Variants in KCND2 observed in about 807,000 individuals in gnomAD.
The protein encoded by KCND2 is A-type voltage-gated potassium channel KCND2.
In KCND2, 16 loss-of-function variants were observed where a neutral mutation model predicts 54.4. The ratio of observed to expected loss-of-function variants is 0.29; its 90% CI spans 0.20 to 0.45. KCND2 has a LOEUF of 0.45. Among genes scored for constraint, KCND2 ranks in the 20% least tolerant of loss-of-function variants. KCND2 has a pLI of 1.00. For synonymous variants in KCND2, 317 were observed against 310.7 expected (o/e 1.02, Z -0.21); for missense variants, 486 against 824.2 (o/e 0.59, Z 5.02).
At chr7:120,354,507 C>T (rs1800467665) in intron 1 of KCND2, among the ~76,000 whole-genome samples, 1 of 152,188 alleles carries the variant, frequency 6.6e-6, no homozygotes, top group African/African-American at 2.4e-5. Flanking sequence ...GTTTCAGAAT[C>T]CATGTTGTAA....
At chr7:120,495,383 A>G (rs143885046) in intron 1 of KCND2, among the ~76,000 whole-genome samples, 58 of 151,944 alleles carry the variant, frequency 3.8e-4, no homozygotes, top group African/African-American at 1.3e-3. Context: ...TAGCTCTTTG[A>G]TGAGACTTAC....
chr7:120,518,010 T>G (rs1164659656), intron 1 of KCND2, among the ~76,000 whole-genome samples: 1 of 152,144 alleles, frequency 6.6e-6, no homozygotes, highest in Non-Finnish European at 1.5e-5. Context: ...GATAATGTGT[T>G]CTTTGCGATC....
intron 1 of KCND2, among the ~76,000 whole-genome samples, chr7:120,338,067 G>A (rs577832857): frequency 1.3e-5 from 2 of 152,180 alleles, no homozygotes; most frequent in African/African-American, 4.8e-5. Context: ...AGAAATTTGA[G>A]GAGTTAATGG....
At chr7:120,734,448 G>A (rs966219078) in intron 2 of KCND2, among the ~76,000 whole-genome samples, 1 of 152,030 alleles carries the variant, frequency 6.6e-6, no homozygotes, top group African/African-American at 2.4e-5. Context: ...CCCAAATTAA[G>A]CAATTGTAAA....
intron 1 of KCND2, among the ~76,000 whole-genome samples, chr7:120,601,600 A>G (rs1792814194): frequency 6.8e-6 from 1 of 147,172 alleles, no homozygotes; most frequent in African/African-American, 2.4e-5. Flanking sequence ...AGCCTTCTCT[A>G]CAGGAAGTGC....
At chr7:120,297,168 T>C (rs1486400778) in intron 1 of KCND2, among the ~76,000 whole-genome samples, 6 of 151,928 alleles carry the variant, frequency 3.9e-5, no homozygotes, top group East Asian at 1.9e-4. Flanking sequence ...ATTATTCACT[T>C]CCCCCCCAGC....
chr7:120,459,042 C>G (rs1348058764), intron 1 of KCND2, among the ~76,000 whole-genome samples: 8 of 151,850 alleles, frequency 5.3e-5, no homozygotes, highest in Admixed American at 3.9e-4. Flanking sequence ...TAAGAGTTTA[C>G]TCAAAATGAA....
intron 1 of KCND2, among the ~76,000 whole-genome samples, chr7:120,289,114 A>G (rs184067385): frequency 4.7e-4 from 72 of 151,924 alleles, no homozygotes; most frequent in African/African-American, 1.7e-3. Flanking sequence ...AGAAAAGTAA[A>G]GAGAAAGAAA....
intron 1 of KCND2, among the ~76,000 whole-genome samples, chr7:120,560,193 A>G (rs1792216247): frequency 6.6e-6 from 1 of 152,208 alleles, no homozygotes; most frequent in Non-Finnish European, 1.5e-5. Flanking sequence ...AACACTGCTT[A>G]GTTTCCACAG....
chr7:120,416,086 A>T (rs755072550), intron 1 of KCND2, among the ~76,000 whole-genome samples: 1 of 152,168 alleles, frequency 6.6e-6, no homozygotes, highest in Admixed American at 6.5e-5. Flanking sequence ...TCTCTTGCCA[A>T]CATTGCTTCA....
At chr7:120,447,558 T>C (rs755518466) in intron 1 of KCND2, among the ~76,000 whole-genome samples, 5 of 152,086 alleles carry the variant, frequency 3.3e-5, no homozygotes, top group Non-Finnish European at 7.4e-5. Context: ...ACCAACCCTG[T>C]ACCTCTTTTC....
At chr7:120,344,388 A>G (rs566346856) in intron 1 of KCND2, among the ~76,000 whole-genome samples, 20 of 152,306 alleles carry the variant, frequency 1.3e-4, no homozygotes, top group Admixed American at 2.0e-4. Flanking sequence ...TATTCGTGGA[A>G]CAAAGAAAAA....
At chr7:120,663,956 A>G (rs192997746) in intron 1 of KCND2, among the ~76,000 whole-genome samples, 2 of 150,404 alleles carry the variant, frequency 1.3e-5, no homozygotes, top group Admixed American at 1.3e-4. Flanking sequence ...TGCATAGGAG[A>G]AAAGAGGTCT....
chr7:120,326,195 G>A (rs375312160), intron 1 of KCND2, among the ~76,000 whole-genome samples: 4 of 152,010 alleles, frequency 2.6e-5, no homozygotes, highest in East Asian at 1.9e-4. Flanking sequence ...GACTAATGAC[G>A]AATGTACCTA....
chr7:120,432,460 T>C (rs777985287), intron 1 of KCND2, among the ~76,000 whole-genome samples: 26 of 151,958 alleles, frequency 1.7e-4, no homozygotes, highest in Non-Finnish European at 3.4e-4. Context: ...AACAGGATAC[T>C]TATTCATACT....
At chr7:120,663,345 T>C (rs900349621) in intron 1 of KCND2, among the ~76,000 whole-genome samples, 4 of 152,164 alleles carry the variant, frequency 2.6e-5, no homozygotes, top group African/African-American at 4.8e-5. Flanking sequence ...TTTTTCACAA[T>C]GATTTTTATG....
chr7:120,621,177 G>A (rs1793092759), intron 1 of KCND2, among the ~76,000 whole-genome samples: 1 of 150,072 alleles, frequency 6.7e-6, no homozygotes, highest in South Asian at 2.1e-4. Context: ...GGAGGCTGAG[G>A]CAGGAGAATC....
chr7:120,707,957 A>G (rs1385293577), intron 1 of KCND2, among the ~76,000 whole-genome samples: 2 of 152,230 alleles, frequency 1.3e-5, no homozygotes, highest in East Asian at 3.9e-4. Flanking sequence ...TGCAGTCAGA[A>G]CTGGAGCTTC....
intron 4 of KCND2, 148 bp from the exon 5 acceptor site, chr7:120,745,632 T>A: frequency 1.3e-6 from 1 of 798,856 alleles, no homozygotes; most frequent in Non-Finnish European, 2.0e-6. Flanking sequence ...GTGGTTTTGA[T>A]GTCAATCTTT....
Sources: gnomAD v4.1 joint callset for allele counts (sites outside exome capture counted in the v4.1 genomes callset) on GRCh38, gnomAD v4.1.1 for gene constraint, MANE v1.5 for transcripts, NCBI Gene and HGNC (gene_info 2026-07-23, HGNC 2026-07-21) for gene names.